WDFY2: variants seen among roughly 807,000 people sequenced by gnomAD.
The protein encoded by WDFY2 is WD repeat and FYVE domain containing 2.
WDFY2 carries 36 observed loss-of-function variants against 56.4 expected under a neutral mutation model. The observed-to-expected ratio is 0.64, with a 90% CI of 0.49 to 0.84. WDFY2 has a LOEUF of 0.84. Ranked by LOEUF, WDFY2 falls within the 40% of genes least tolerant of loss-of-function variation. The pLI, the probability that WDFY2 is intolerant of heterozygous loss-of-function variation, is 0.00. For synonymous variants in WDFY2, 176 were observed against 183.7 expected, an observed-to-expected ratio of 0.96 and a Z score of 0.34; for missense variants, 444 against 512.2, an observed-to-expected ratio of 0.87 and a Z score of 1.29.
chr13:51,719,483 A>G lies in WDFY2; in HGVS notation c.485+135A>G. ...CCAGTGTGGATTACAATGCTCATAG[A>G]ATTTCCTGAGGCACAAATCATTGAG... On this transcript the variant is annotated intron_variant, in intron 5 of 11. Transcript: ENST00000298125. The G allele has an allele frequency of 3.8e-6, 4 of 1,049,134 alleles. No homozygotes were observed. In the South Asian group the frequency reaches 6.9e-5, roughly 18 times the overall value. 65.0% of individuals were successfully genotyped at this position (1,049,134 alleles called of 1,614,324 possible). A position where few individuals can be genotyped will look rare whatever the true frequency, so the allele number is the denominator to read the frequency against.
At chr13:51,742,360 G>A (rs1276841836) in intron 7 of WDFY2, among the ~76,000 whole-genome samples, 1 of 152,124 alleles carries the variant, frequency 6.6e-6, no homozygotes, top group Admixed American at 6.5e-5. Context: ...TATCTGCATT[G>A]GAAGCATTCT....
intron 1 of WDFY2, among the ~76,000 whole-genome samples, chr13:51,651,409 A>G (rs1266741063): frequency 2.0e-5 from 3 of 151,912 alleles, no homozygotes; most frequent in Non-Finnish European, 1.5e-5. Context: ...TTGTGTCTCT[A>G]TCTCCTTCAG....
chr13:51,667,876 CTTCTTTTTT>C (rs1361942321), intron 2 of WDFY2, among the ~76,000 whole-genome samples: 1 of 97,128 alleles, frequency 1.0e-5, no homozygotes, highest in Non-Finnish European at 1.9e-5. Flanking sequence ...ACCTGAGGAA[CTTCTTTTTT>C]TTTTTTTTTT....
At chr13:51,614,148 T>C (rs1339517890) in intron 1 of WDFY2, among the ~76,000 whole-genome samples, 1 of 134,406 alleles carries the variant, frequency 7.4e-6, no homozygotes, top group Non-Finnish European at 1.5e-5. Context: ...ATCGTGCCAC[T>C]GCACCCCAGC....
chr13:51,617,895 A>G (rs1008922730), intron 1 of WDFY2, among the ~76,000 whole-genome samples: 2 of 152,214 alleles, frequency 1.3e-5, no homozygotes, highest in Non-Finnish European at 2.9e-5. Context: ...AGTCATTTTC[A>G]TATTTAAAGA....
chr13:51,759,823 A>T lies in WDFY2; in HGVS notation c.*54A>T, dbSNP rs956860102. Reference sequence around the variant, plus strand: ...ATTTACTAAAGAAACGGTTGTTTTAACCCAAATCATTACCAGAGTGGTAAA... The same window carrying T: ...ATTTACTAAAGAAACGGTTGTTTTATCCCAAATCATTACCAGAGTGGTAAA... On this transcript the variant is annotated 3_prime_UTR_variant, in exon 12 of 12. Transcript: ENST00000298125. The T allele has an allele frequency of 1.8e-6, 2 of 1,104,546 alleles. No individual in the cohort carries two copies. The highest frequency in any genetic ancestry group is 2.9e-5 in the African/African-American group (2 of 69,716). 68.4% of individuals were successfully genotyped at this position (1,104,546 alleles called of 1,614,324 possible).
chr13:51,757,273 C>T (rs975188522), intron 10 of WDFY2, among the ~76,000 whole-genome samples: 3 of 152,070 alleles, frequency 2.0e-5, no homozygotes, highest in Non-Finnish European at 4.4e-5. Flanking sequence ...TGAGAGTTTT[C>T]TCATTGAATT....
chr13:51,658,823 G>T (rs916666680), intron 1 of WDFY2, among the ~76,000 whole-genome samples: 1 of 152,004 alleles, frequency 6.6e-6, no homozygotes, highest in African/African-American at 2.4e-5. Context: ...ACTGAATTTT[G>T]CATGTATATG....
At chr13:51,595,122 G>T (rs1954121501) in intron 1 of WDFY2, among the ~76,000 whole-genome samples, 1 of 152,068 alleles carries the variant, frequency 6.6e-6, no homozygotes, top group South Asian at 2.1e-4. Flanking sequence ...GTAGTGGGTG[G>T]GTGCTGTGTT....
intron 1 of WDFY2, among the ~76,000 whole-genome samples, chr13:51,652,667 T>C (rs1462950736): frequency 1.3e-5 from 2 of 152,190 alleles, no homozygotes; most frequent in South Asian, 4.1e-4. Flanking sequence ...CTTATGAAGC[T>C]TAGTTTGGCT....
intron 1 of WDFY2, chr13:51,588,286 C>A (rs1953982060): frequency 6.6e-6 from 1 of 152,246 alleles, no homozygotes; most frequent in Admixed American, 6.5e-5. Flanking sequence ...TAGTCAGCAG[C>A]TTAGCAGGGG....
chr13:51,671,294 GT>G (rs1426877002), intron 2 of WDFY2, among the ~76,000 whole-genome samples: 1 of 152,198 alleles, frequency 6.6e-6, no homozygotes, highest in African/African-American at 2.4e-5. Flanking sequence ...TCTCCACACT[GT>G]TTTCCATAGT....
chr13:51,609,891 G>A (rs906986736), intron 1 of WDFY2, among the ~76,000 whole-genome samples: 7 of 152,214 alleles, frequency 4.6e-5, no homozygotes, highest in African/African-American at 1.2e-4. Context: ...AGCCTTGAAG[G>A]TCTAGTTCTT....
chr13:51,610,662 A>G (rs915653337), intron 1 of WDFY2, among the ~76,000 whole-genome samples: 1 of 152,246 alleles, frequency 6.6e-6, no homozygotes, highest in Non-Finnish European at 1.5e-5. Context: ...AGATAAAAGT[A>G]TAATGCCAAA....
intron 3 of WDFY2, among the ~76,000 whole-genome samples, chr13:51,678,377 C>T (rs2138510551): frequency 6.6e-6 from 1 of 152,252 alleles, no homozygotes; most frequent in Admixed American, 6.5e-5. Context: ...AAAGTATAAA[C>T]ACTATTATTA....
intron 2 of WDFY2, 88 bp from the exon 3 acceptor site, chr13:51,675,082 C>T: frequency 4.3e-6 from 5 of 1,173,196 alleles, no homozygotes; most frequent in Non-Finnish European, 6.4e-6. Flanking sequence ...GGGGAAAGTA[C>T]AGCCCCACAC....
At chr13:51,728,870 T>TG (rs1361284877) in intron 6 of WDFY2, among the ~76,000 whole-genome samples, 6 of 152,178 alleles carry the variant, frequency 3.9e-5, no homozygotes, top group Middle Eastern at 3.4e-3. Context: ...CCTGGGGTTC[T>TG]GGGGGGGACC....
At chr13:51,636,907 C>T (rs947744987) in intron 1 of WDFY2, among the ~76,000 whole-genome samples, 12 of 152,304 alleles carry the variant, frequency 7.9e-5, no homozygotes, top group African/African-American at 2.4e-4. Flanking sequence ...AAATGATCTT[C>T]GATCCATACC....
rs201992735 is a variant in WDFY2, at chr13:51,706,008, AAAT to A, written c.334+2362_334+2364del. Reference sequence around the variant, plus strand: ...CATGCCATTTCCTATGTCTTTGTTAAAATAATGTTTGGCCTCACAGGTATAAGT... The same window carrying A: ...CATGCCATTTCCTATGTCTTTGTTAAAATGTTTGGCCTCACAGGTATAAGT... On this transcript the variant is annotated intron_variant, in intron 4 of 11. Transcript: ENST00000298125. Among the ~76,000 whole-genome samples the A allele has an allele frequency of 7.5e-4, 115 of 152,324 alleles. 1 individual carries two copies. In the East Asian group the frequency reaches 0.019, roughly 26 times the overall value.
Sources: allele counts gnomAD v4.1 joint callset (sites outside exome capture counted in the v4.1 genomes callset), GRCh38; gene constraint gnomAD v4.1.1; transcripts MANE v1.5; gene names NCBI Gene and HGNC (gene_info 2026-07-23, HGNC 2026-07-21).